The following CAST variants were observed in gnomAD, a reference collection of about 807,000 sequenced individuals.
The protein encoded by CAST is MIR583 host.
Under a neutral mutation model 119.6 loss-of-function variants are expected in CAST, and 76 were observed. That is an observed-to-expected ratio of 0.64 (90% confidence interval 0.53 to 0.77). CAST has a LOEUF of 0.77. Among genes scored for constraint, CAST ranks in the 30% least tolerant of loss-of-function variants. The probability of loss-of-function intolerance (pLI) is 0.00; values close to 1 mark genes in which losing one functional copy is unlikely to be tolerated. For missense variants in CAST, 953 were observed against 946.5 expected (o/e 1.01, Z -0.09); for synonymous variants, 319 against 331.6 (o/e 0.96, Z 0.41).
chr5:96,320,806 C>T, the CAST span, among the ~76,000 whole-genome samples: 1 of 152,252 alleles, frequency 6.6e-6, no homozygotes, highest in Non-Finnish European at 1.5e-5. Flanking sequence ...TTCCTTTGAA[C>T]AATTTCTCTT....
the CAST span, among the ~76,000 whole-genome samples, chr5:96,383,636 T>A: frequency 6.6e-6 from 1 of 152,090 alleles, no homozygotes; most frequent in Non-Finnish European, 1.5e-5. Flanking sequence ...TTAGTAGAGA[T>A]GAGGTTTCAC....
At chr5:96,747,520 A>T in intron 18 of CAST, 128 bp downstream of exon 18, 1 of 566,788 alleles carries the variant, frequency 1.8e-6, no homozygotes. Flanking sequence ...AGGAAAGGGG[A>T]ACTTCTGATG....
intron 1 of CAST, among the ~76,000 whole-genome samples, chr5:96,567,967 A>C (rs1242345365): frequency 6.6e-6 from 1 of 152,168 alleles, no homozygotes; most frequent in Non-Finnish European, 1.5e-5. Flanking sequence ...CAGGGGAGGC[A>C]GGATGCCTTC....
chr5:96,549,136 G>A (rs965849381), intron 1 of CAST, among the ~76,000 whole-genome samples: 2 of 152,236 alleles, frequency 1.3e-5, no homozygotes, highest in African/African-American at 4.8e-5. Context: ...TGTAGAGTGA[G>A]AGCTACAAAG....
At chr5:96,465,110 T>A in the CAST span, among the ~76,000 whole-genome samples, 1 of 152,100 alleles carries the variant, frequency 6.6e-6, no homozygotes, top group Non-Finnish European at 1.5e-5. Context: ...CATCTCTGTA[T>A]AAGTCTGGCA....
intron 22 of CAST, 49 bp downstream of exon 22, chr5:96,754,790 T>TAA: frequency 9.5e-7 from 1 of 1,056,110 alleles, no homozygotes; most frequent in Non-Finnish European, 1.5e-6. Context: ...CATACTGAAT[T>TAA]CATACACAGA....
chr5:96,329,907 T>C, the CAST span, among the ~76,000 whole-genome samples: 6 of 152,390 alleles, frequency 3.9e-5, no homozygotes, highest in East Asian at 1.2e-3. Context: ...AATTGAATTC[T>C]GTAAGAAGCA....
intron 4 of CAST, among the ~76,000 whole-genome samples, chr5:96,724,249 C>T (rs1011094691): frequency 6.6e-6 from 1 of 152,002 alleles, no homozygotes; most frequent in Non-Finnish European, 1.5e-5. Flanking sequence ...GGCATGATCA[C>T]AGCTTGCTGC....
chr5:95,993,449 C>T, the CAST span, among the ~76,000 whole-genome samples: 1 of 152,066 alleles, frequency 6.6e-6, no homozygotes, highest in African/African-American at 2.4e-5. Flanking sequence ...TTTTGGTTAT[C>T]ACAACTGGAG....
intron 3 of CAST, chr5:96,696,272 G>C (rs187191986): frequency 6.4e-6 from 1 of 155,568 alleles, no homozygotes; most frequent in Non-Finnish European, 1.4e-5. Context: ...CACACCAGGC[G>C]TGCTGCTAGT....
intron 3 of CAST, among the ~76,000 whole-genome samples, chr5:96,719,690 A>G (rs1474642979): frequency 6.6e-6 from 1 of 152,168 alleles, no homozygotes; most frequent in East Asian, 1.9e-4. Context: ...CTTTAGAGGT[A>G]TTTTGGTGTA....
At chr5:96,122,247 T>C in the CAST span, among the ~76,000 whole-genome samples, 1 of 152,194 alleles carries the variant, frequency 6.6e-6, no homozygotes, top group African/African-American at 2.4e-5. Flanking sequence ...AACATGCATT[T>C]GTGTTCTTCC....
the CAST span, among the ~76,000 whole-genome samples, chr5:96,144,437 A>C: frequency 6.6e-6 from 1 of 152,136 alleles, no homozygotes; most frequent in Admixed American, 6.5e-5. Flanking sequence ...TGCTTTGGGA[A>C]GCTCAAAGCT....
the CAST span, among the ~76,000 whole-genome samples, chr5:96,170,681 C>T: frequency 7.2e-5 from 11 of 152,212 alleles, no homozygotes; most frequent in East Asian, 1.4e-3. Context: ...TGCTGCCAAA[C>T]GAACCATGAA....
At chr5:96,151,300 T>A in the CAST span, among the ~76,000 whole-genome samples, 1 of 152,162 alleles carries the variant, frequency 6.6e-6, no homozygotes, top group Non-Finnish European at 1.5e-5. Flanking sequence ...TTCTTTACTA[T>A]CCTAACTTGA....
At chr5:96,013,295 T>A in the CAST span, among the ~76,000 whole-genome samples, 23 of 151,612 alleles carry the variant, frequency 1.5e-4, no homozygotes, top group Middle Eastern at 3.4e-3. Context: ...ACATATATAA[T>A]GATAATATAG....
chr5:96,338,997 CAG>C, the CAST span, among the ~76,000 whole-genome samples: 2 of 152,242 alleles, frequency 1.3e-5, no homozygotes, highest in African/African-American at 4.8e-5. Context: ...GTAACAGCAA[CAG>C]AACTTGGATT....
At chr5:96,103,356 C>G in the CAST span, among the ~76,000 whole-genome samples, 3 of 121,930 alleles carry the variant, frequency 2.5e-5, no homozygotes, top group South Asian at 3.3e-4. Flanking sequence ...CCCCTCCCCC[C>G]ACCCCACAAC....
At chr5:95,996,962 A>C in the CAST span, among the ~76,000 whole-genome samples, 3 of 152,148 alleles carry the variant, frequency 2.0e-5, no homozygotes, top group South Asian at 6.2e-4. Flanking sequence ...ATCACATAAG[A>C]AATAGTAAAA....
Sources: gnomAD v4.1 joint callset for allele counts (sites outside exome capture counted in the v4.1 genomes callset) on GRCh38, gnomAD v4.1.1 for gene constraint, MANE v1.5 for transcripts, NCBI Gene and HGNC (gene_info 2026-07-23, HGNC 2026-07-21) for gene names.